The following KCNK13 variants were observed in gnomAD, a reference collection of about 807,000 sequenced individuals.
The protein encoded by KCNK13 is potassium channel subfamily K member 13.
In KCNK13, 12 loss-of-function variants were observed where a neutral mutation model predicts 23.4. The ratio of observed to expected loss-of-function variants is 0.51; its 90% CI spans 0.33 to 0.83. The LOEUF is 0.83. Ranked by LOEUF, KCNK13 falls within the 40% of genes least tolerant of loss-of-function variation. KCNK13 has a pLI of 0.02. For synonymous variants in KCNK13, 231 were observed against 229.5 expected (o/e 1.01, Z -0.06); for missense variants, 463 against 556.3 (o/e 0.83, Z 1.69).
At chr14:90,137,389 C>T (rs901669630) in intron 1 of KCNK13, among the ~76,000 whole-genome samples, 3 of 151,998 alleles carry the variant, frequency 2.0e-5, no homozygotes, top group African/African-American at 7.2e-5. Flanking sequence ...GGCATGATCT[C>T]GGCTCACTTC....
intron 1 of KCNK13, among the ~76,000 whole-genome samples, chr14:90,131,293 G>A (rs947927482): frequency 7.2e-5 from 11 of 151,832 alleles, no homozygotes; most frequent in South Asian, 2.1e-4. Context: ...GTGTAGTGGC[G>A]TGATCTCAGC....
At chr14:90,173,690 G>A (rs1249589927) in intron 1 of KCNK13, among the ~76,000 whole-genome samples, 1 of 152,130 alleles carries the variant, frequency 6.6e-6, no homozygotes, top group Non-Finnish European at 1.5e-5. Context: ...TTGCAAGCAA[G>A]GGAAAATTTC....
chr14:90,108,464 T>C (rs751451171), intron 1 of KCNK13, among the ~76,000 whole-genome samples: 5 of 152,160 alleles, frequency 3.3e-5, no homozygotes, highest in Admixed American at 2.0e-4. Context: ...CAGTGGGTAT[T>C]TTGAATGTGT....
At chr14:90,131,134 C>T (rs573266945) in intron 1 of KCNK13, among the ~76,000 whole-genome samples, 1 of 152,312 alleles carries the variant, frequency 6.6e-6, no homozygotes, top group East Asian at 1.9e-4. Context: ...CATGTCTCCT[C>T]TTTTTCCATT....
chr14:90,095,986 T>C (rs1347546770), intron 1 of KCNK13, among the ~76,000 whole-genome samples: 2 of 152,130 alleles, frequency 1.3e-5, no homozygotes, highest in East Asian at 1.9e-4. Flanking sequence ...TTTACTGGTT[T>C]ACTATAAAGG....
intron 1 of KCNK13, among the ~76,000 whole-genome samples, chr14:90,128,906 A>G (rs1454083676): frequency 1.3e-5 from 2 of 152,230 alleles, no homozygotes; most frequent in African/African-American, 2.4e-5. Context: ...CCCACCGCCA[A>G]CCTGAGGACG....
intron 1 of KCNK13, among the ~76,000 whole-genome samples, chr14:90,098,482 C>T (rs553273207): frequency 4.6e-5 from 7 of 152,214 alleles, no homozygotes; most frequent in African/African-American, 9.6e-5. Flanking sequence ...TAGTGGCTCA[C>T]GCCTGTAATC....
intron 1 of KCNK13, among the ~76,000 whole-genome samples, chr14:90,125,528 A>G (rs1889787458): frequency 6.6e-6 from 1 of 151,778 alleles, no homozygotes; most frequent in Non-Finnish European, 1.5e-5. Flanking sequence ...CAGCCGATCT[A>G]CTTAATTTTA....
Position 90,086,752 on chromosome 14 carries a change from A to C in KCNK13, c.334+24213A>C, listed in dbSNP as rs537463592. Among the ~76,000 whole-genome samples, 59 of 152,302 alleles carry C rather than the reference A, an allele frequency of 3.9e-4. 1 individual carries two copies. The highest frequency in any genetic ancestry group is 7.3e-4 in the Non-Finnish European group (50 of 68,030). ...ATGTAAACCTCAGTTTGGTTCAGTC[A>C]GAATTTATTGAGTTCTTACTATTGG... On this transcript the variant is annotated intron_variant, in intron 1 of 1. Transcript: ENST00000282146.
At chr14:90,131,107 A>G (rs1889865221) in intron 1 of KCNK13, among the ~76,000 whole-genome samples, 1 of 152,180 alleles carries the variant, frequency 6.6e-6, no homozygotes, top group African/African-American at 2.4e-5. Context: ...GCACATAGTA[A>G]GGCACTCAGT....
chr14:90,086,772 T>C (rs1045525488), intron 1 of KCNK13, among the ~76,000 whole-genome samples: 1 of 152,152 alleles, frequency 6.6e-6, no homozygotes, highest in Non-Finnish European at 1.5e-5. Context: ...GAGTTCTTAC[T>C]ATTGGCCCAA....
intron 1 of KCNK13, among the ~76,000 whole-genome samples, chr14:90,091,647 G>A (rs1272587055): frequency 6.6e-6 from 1 of 151,910 alleles, no homozygotes; most frequent in Non-Finnish European, 1.5e-5. Context: ...CATTATTTAT[G>A]AGTTCCATGC....
chr14:90,143,852 C>T (rs531458312), intron 1 of KCNK13, among the ~76,000 whole-genome samples: 15 of 152,294 alleles, frequency 9.8e-5, no homozygotes, highest in South Asian at 2.1e-4. Context: ...GACAGTTGGC[C>T]GCCTGCAACT....
intron 1 of KCNK13, among the ~76,000 whole-genome samples, chr14:90,164,030 G>A (rs1484921539): frequency 1.3e-5 from 2 of 152,186 alleles, no homozygotes; most frequent in African/African-American, 4.8e-5. Context: ...CAAAGACTCT[G>A]GCATTTGGGG....
chr14:90,086,340 A>G (rs1324110442), intron 1 of KCNK13, among the ~76,000 whole-genome samples: 3 of 152,126 alleles, frequency 2.0e-5, no homozygotes, highest in Non-Finnish European at 4.4e-5. Context: ...CCCCCATTCT[A>G]TAGGTGAGAA....
chr14:90,178,719 C>T (rs900605970), intron 1 of KCNK13, among the ~76,000 whole-genome samples: 10 of 152,030 alleles, frequency 6.6e-5, no homozygotes, highest in Non-Finnish European at 1.3e-4. Context: ...GACACATATT[C>T]CCAAATTGCT....
chr14:90,156,268 A>T (rs1450613264), intron 1 of KCNK13, among the ~76,000 whole-genome samples: 1 of 151,780 alleles, frequency 6.6e-6, no homozygotes, highest in Non-Finnish European at 1.5e-5. Flanking sequence ...ACACCAAATG[A>T]TATCATCAAG....
chr14:90,090,287 G>C (rs1006022780), intron 1 of KCNK13, among the ~76,000 whole-genome samples: 2 of 152,256 alleles, frequency 1.3e-5, no homozygotes, highest in Admixed American at 6.5e-5. Context: ...ACCTGGATGT[G>C]AGACATGGAG....
At chr14:90,067,123 G>T (rs1230850216) in intron 1 of KCNK13, among the ~76,000 whole-genome samples, 1 of 152,170 alleles carries the variant, frequency 6.6e-6, no homozygotes, top group Non-Finnish European at 1.5e-5. Context: ...AAACAAATTA[G>T]CTGGGTGTGG....
Sources: allele counts gnomAD v4.1 joint callset (sites outside exome capture counted in the v4.1 genomes callset), GRCh38; gene constraint gnomAD v4.1.1; transcripts MANE v1.5; gene names NCBI Gene and HGNC (gene_info 2026-07-23, HGNC 2026-07-21).